STARD13: variants seen among roughly 807,000 people sequenced by gnomAD.
STARD13 encodes stAR-related lipid transfer protein 13.
Under a neutral mutation model 106.4 loss-of-function variants are expected in STARD13, and 62 were observed. That is an observed-to-expected ratio of 0.58 (90% confidence interval 0.48 to 0.72). The LOEUF (loss-of-function observed/expected upper bound fraction) is 0.72. Ranked by LOEUF, STARD13 falls within the 30% of genes least tolerant of loss-of-function variation. STARD13 has a pLI of 0.00. For missense variants in STARD13, 1,387 were observed against 1,424.0 expected (o/e 0.97, Z 0.42); for synonymous variants, 565 against 553.0 (o/e 1.02, Z -0.31).
chr13:33,158,193 G>A (rs1416516910), intron 3 of STARD13, among the ~76,000 whole-genome samples: 1 of 147,166 alleles, frequency 6.8e-6, no homozygotes, highest in East Asian at 1.9e-4. Context: ...TAGAGAGAAA[G>A]AGAGAGAGAG....
chr13:33,601,780 C>T, the STARD13 span, among the ~76,000 whole-genome samples: 1 of 152,118 alleles, frequency 6.6e-6, no homozygotes, highest in Non-Finnish European at 1.5e-5. Context: ...TCCGGAGATC[C>T]CTGGCCTGAC....
At chr13:33,116,163 G>A (rs1013844900) in intron 8 of STARD13, among the ~76,000 whole-genome samples, 3 of 152,086 alleles carry the variant, frequency 2.0e-5, no homozygotes, top group Non-Finnish European at 4.4e-5. Flanking sequence ...GTCATTTGGT[G>A]TCACTTTGTA....
the STARD13 span, among the ~76,000 whole-genome samples, chr13:33,502,523 G>T: frequency 7.2e-5 from 11 of 152,146 alleles, no homozygotes; most frequent in African/African-American, 2.7e-4. Flanking sequence ...CTGTGGATTT[G>T]TCATAAATAG....
intron 1 of STARD13, 77 bp downstream of exon 1, chr13:33,285,392 CA>C (rs990374300): frequency 9.6e-6 from 14 of 1,455,688 alleles, no homozygotes; most frequent in Admixed American, 2.2e-5. Context: ...AACAAACAAA[CA>C]AAAAAAACTG....
the STARD13 span, among the ~76,000 whole-genome samples, chr13:33,465,666 C>G: frequency 6.6e-6 from 1 of 152,140 alleles, no homozygotes. Context: ...TCCTCATTTG[C>G]TCCACTACAG....
At chr13:33,311,183 G>C (rs113012532) in intron 1 of STARD13, among the ~76,000 whole-genome samples, 3,372 of 151,472 alleles carry the variant, frequency 0.022, 124 homozygotes, top group African/African-American at 0.076. Flanking sequence ...TGTGGTCCCA[G>C]CTACTCGGGA....
the STARD13 span, among the ~76,000 whole-genome samples, chr13:33,601,285 A>G: frequency 1.3e-5 from 2 of 149,698 alleles, no homozygotes; most frequent in African/African-American, 4.9e-5. Flanking sequence ...GGTACTTTTT[A>G]GTCCTCATAG....
intron 3 of STARD13, among the ~76,000 whole-genome samples, chr13:33,159,549 T>C (rs1882381646): frequency 1.3e-5 from 2 of 152,228 alleles, no homozygotes; most frequent in South Asian, 4.1e-4. Context: ...TTTTAAAATA[T>C]GCAATAGAAT....
chr13:33,557,309 G>A, the STARD13 span, among the ~76,000 whole-genome samples: 9 of 151,904 alleles, frequency 5.9e-5, no homozygotes, highest in African/African-American at 1.7e-4. Context: ...GACTTCACCC[G>A]GGCGATGTAA....
chr13:33,381,201 A>G, the STARD13 span, among the ~76,000 whole-genome samples: 1 of 152,358 alleles, frequency 6.6e-6, no homozygotes, highest in African/African-American at 2.4e-5. Flanking sequence ...ATATAAAAAT[A>G]TTAAACACTT....
intron 7 of STARD13, among the ~76,000 whole-genome samples, chr13:33,120,938 G>A (rs533568840): frequency 8.5e-5 from 13 of 152,082 alleles, no homozygotes; most frequent in Non-Finnish European, 1.3e-4. Context: ...ACAGGATTTC[G>A]CCACATTGGC....
chr13:33,115,412 G>A (rs562720188), intron 8 of STARD13, among the ~76,000 whole-genome samples: 4 of 152,298 alleles, frequency 2.6e-5, no homozygotes, highest in East Asian at 1.9e-4. Flanking sequence ...CTCCATGCTC[G>A]TCCAGTTCGG....
intron 3 of STARD13, among the ~76,000 whole-genome samples, chr13:33,162,303 C>A (rs1594007630): frequency 6.6e-6 from 1 of 152,316 alleles, no homozygotes; most frequent in South Asian, 2.1e-4. Context: ...CCAGTTTTTC[C>A]TCCTAGACTT....
upstream of STARD13, among the ~76,000 whole-genome samples, chr13:33,289,305 G>A (rs1479941953): frequency 6.6e-6 from 1 of 152,186 alleles, no homozygotes; most frequent in Non-Finnish European, 1.5e-5. Flanking sequence ...GATGGTTACT[G>A]AGAACCAAAG....
At chr13:33,360,726 A>AATCCTTCTGTGTAGACAGAAGGAATCCTT in the STARD13 span, among the ~76,000 whole-genome samples, 9 of 134,632 alleles carry the variant, frequency 6.7e-5, no homozygotes, top group South Asian at 2.5e-4. Context: ...AGACAGAAGG[A>AATCCTTCTGTGTAGACAGAAGGAATCCTT]CATATTGTTG....
At chr13:33,570,852 C>A in the STARD13 span, among the ~76,000 whole-genome samples, 15 of 152,124 alleles carry the variant, frequency 9.9e-5, no homozygotes, top group African/African-American at 3.6e-4. Context: ...AGGTTAGAAA[C>A]AAATATTGTG....
At position 33,337,551 on chromosome 13, in the gene STARD13, T is replaced by C. The variant is rs2077910557; in HGVS notation, c.124+12739A>G. On this transcript the variant is annotated intron_variant, in intron 1 of 5. Coordinates refer to the STARD13 transcript ENST00000567873. ...CAAGGGTCATATTATTGCCTTACTT[T>C]ATAATGCTGTTGTCAGAATCAATAA... 2.0e-5 allele frequency among the ~76,000 whole-genome samples: 3 copies of C among 152,256 alleles called. No homozygotes were observed. The South Asian group carries it at 6.2e-4, about 31-fold the overall frequency.
intron 1 of STARD13, among the ~76,000 whole-genome samples, chr13:33,300,952 G>T (rs921999362): frequency 6.6e-6 from 1 of 152,056 alleles, no homozygotes; most frequent in Non-Finnish European, 1.5e-5. Context: ...TCCCTGCAGT[G>T]GCATAATGAA....
chr13:33,126,039 G>A, intron 7 of STARD13, 42 bp downstream of exon 7: 2 of 1,606,128 alleles, frequency 1.2e-6, no homozygotes, highest in Non-Finnish European at 8.5e-7. Context: ...CAATCCCATG[G>A]TTGGGGGTGG....
Sources: gnomAD v4.1 joint callset for allele counts (sites outside exome capture counted in the v4.1 genomes callset) on GRCh38, gnomAD v4.1.1 for gene constraint, MANE v1.5 for transcripts, NCBI Gene and HGNC (gene_info 2026-07-23, HGNC 2026-07-21) for gene names.